Variants in MDM1 observed in about 807,000 individuals in gnomAD.
MDM1 encodes the protein Mdm1 nuclear protein.
In MDM1, 61 loss-of-function variants were observed where a neutral mutation model predicts 89.1. That is an observed-to-expected ratio of 0.68 (90% CI 0.56 to 0.85). The LOEUF (loss-of-function observed/expected upper bound fraction) is 0.85, where lower values mean the gene tolerates loss of function less well. Among genes scored for constraint, MDM1 ranks in the 40% least tolerant of loss-of-function variants. The probability of loss-of-function intolerance (pLI) is 0.00; values close to 1 mark genes in which losing one functional copy is unlikely to be tolerated. For synonymous variants in MDM1, 290 were observed against 294.1 expected (o/e 0.99, Z 0.14); for missense variants, 820 against 846.5 (o/e 0.97, Z 0.39).
intron 7 of MDM1, 108 bp from the exon 8 acceptor site, chr12:68,316,718 T>C (rs1245697825): frequency 9.1e-6 from 8 of 878,588 alleles, no homozygotes; most frequent in Non-Finnish European, 1.4e-5. Context: ...TCTACCAAAC[T>C]TGTCAATCAA....
intron 10 of MDM1, 41 bp from the exon 11 acceptor site, chr12:68,313,794 T>C (rs957161806): frequency 1.2e-5 from 17 of 1,450,720 alleles, no homozygotes; most frequent in Non-Finnish European, 1.5e-5. Flanking sequence ...CAGCATTTCC[T>C]CGAGAAAATA....
intron 7 of MDM1, among the ~76,000 whole-genome samples, chr12:68,318,461 T>C (rs1385144989): frequency 6.6e-6 from 1 of 152,228 alleles, no homozygotes; most frequent in Non-Finnish European, 1.5e-5. Context: ...CAGTTCTATT[T>C]GTTACTGACA....
At position 68,302,879 on chromosome 12, in the gene MDM1, GACAAAA is replaced by G; in HGVS notation, c.1750-13_1750-8del. On this transcript the variant is annotated splice_region_variant and splice_polypyrimidine_tract_variant and intron_variant, in intron 12 of 14. Coordinates refer to ENST00000682720, the MANE Select transcript of MDM1 (RefSeq NM_001354969.2). ...ATACAGCACGACTTTCTTTCTAAATGACAAAAAAAAAAAAAAAAAAAAGATGCCTAT... is the reference window on the plus strand; with the variant it reads ...ATACAGCACGACTTTCTTTCTAAATGAAAAAAAAAAAAAAAAGATGCCTAT... 1 of 738,174 alleles carries G rather than the reference GACAAAA, an allele frequency of 1.4e-6. No individual in the cohort carries two copies. The highest frequency in any genetic ancestry group is 1.7e-6 in the Non-Finnish European group (1 of 597,640). The allele number at this position is 738,174 out of a possible 1,614,324, so 45.7% of individuals were successfully genotyped here.
intron 14 of MDM1, among the ~76,000 whole-genome samples, 158 bp from the exon 15 acceptor site, chr12:68,295,524 ACT>A (rs1430811479): frequency 1.3e-5 from 2 of 152,244 alleles, no homozygotes; most frequent in East Asian, 1.9e-4. Flanking sequence ...AGATACTAAC[ACT>A]CTCATGATAC....
At chr12:68,300,444 A>G (rs1335758660) in intron 13 of MDM1, among the ~76,000 whole-genome samples, 2 of 152,194 alleles carry the variant, frequency 1.3e-5, no homozygotes, top group African/African-American at 2.4e-5. Context: ...AAAGATTCAT[A>G]TAAGCTCAAG....
intron 12 of MDM1, among the ~76,000 whole-genome samples, chr12:68,304,633 G>A (rs1346285950): frequency 6.6e-6 from 1 of 151,302 alleles, no homozygotes; most frequent in Non-Finnish European, 1.5e-5. Flanking sequence ...TGTGATCTCT[G>A]TAAAACTGGT....
At chr12:68,323,265 T>C (rs1366247591) in intron 4 of MDM1, 25 bp from the exon 5 acceptor site, 1 of 1,513,260 alleles carries the variant, frequency 6.6e-7, no homozygotes, top group African/African-American at 1.4e-5. Flanking sequence ...TATTTTAGTT[T>C]AGTTTTGTTG....
chr12:68,316,283 T>C (rs1208126434), intron 8 of MDM1, 30 bp from the exon 9 acceptor site: 1 of 1,574,430 alleles, frequency 6.4e-7, no homozygotes, highest in African/African-American at 1.4e-5. Context: ...CATCATATAC[T>C]ATTGTAAATG....
chr12:68,306,139 G>A (rs554832531), intron 12 of MDM1, among the ~76,000 whole-genome samples: 86 of 151,932 alleles, frequency 5.7e-4, no homozygotes, highest in Non-Finnish European at 9.7e-4. Context: ...CTTTAACAAA[G>A]ATGACCAAAA....
Position 68,331,218 on chromosome 12 carries a change from G to A in MDM1, c.22C>T (p.Leu8=). The part of the protein sequence containing the change: MPVRFKG[L]SEYQRNFLWK... Reference sequence around the variant, plus strand: ...AGGAAGTTCCTCTGGTATTCACTCAGCCCCTGTAATGCAAAGTACACTTTT... The same window carrying A: ...AGGAAGTTCCTCTGGTATTCACTCAACCCCTGTAATGCAAAGTACACTTTT... Residue 8 remains leucine, a synonymous_variant, in exon 2 of 15, where the codon CTG becomes TTG. Coordinates refer to ENST00000682720, the MANE Select transcript of MDM1 (RefSeq NM_001354969.2). The A allele has an allele frequency of 6.5e-7, 1 of 1,538,616 alleles. No homozygotes were observed. Among genetic ancestry groups the A allele is most frequent in the South Asian group, 1.1e-5 (1 of 89,562 alleles).
Position 68,316,622 on chromosome 12 carries a change from A to ACG in MDM1, c.1006-13_1006-12insCG. On this transcript the variant is annotated splice_polypyrimidine_tract_variant and intron_variant, in intron 7 of 14. Coordinates refer to ENST00000682720, the MANE Select transcript of MDM1 (RefSeq NM_001354969.2). ...GCATTTAGAGAACCCTAGAGAAGGA[A>ACG]TACAGAAACACACTTAATGATAGGT... 6.5e-7 allele frequency: 1 copy of ACG among 1,532,900 alleles called. No homozygotes were observed. 95.0% of individuals were successfully genotyped at this position (1,532,900 alleles called of 1,614,324 possible). A position where few individuals can be genotyped will look rare whatever the true frequency, so the allele number is the denominator to read the frequency against.
In MDM1 at chr12:68,332,180, G is replaced by GC. The variant is rs1876930524; in HGVS notation, c.18+47dup. On this transcript the variant is annotated intron_variant, in intron 1 of 14. Transcript: ENST00000682720. ...GACCTCGGCGCTCCACACCTCCCCG[G>GC]CCATGGCTCCCCCCAGCCACATTCC... 8.0e-6 allele frequency: 12 copies of GC among 1,509,260 alleles called. No individual in the cohort carries two copies. In the East Asian group the frequency reaches 2.7e-4, roughly 34 times the overall value. The allele number at this position is 1,509,260 out of a possible 1,614,324, so 93.5% of individuals were successfully genotyped here.
intron 2 of MDM1, chr12:68,330,841 G>A (rs543526520): frequency 1.5e-4 from 60 of 391,738 alleles, no homozygotes; most frequent in African/African-American, 1.1e-3. Context: ...TAACTTAACC[G>A]CTCAGTCAGT....
intron 4 of MDM1, among the ~76,000 whole-genome samples, chr12:68,324,007 C>A (rs1186504453): frequency 6.6e-6 from 1 of 152,128 alleles, no homozygotes; most frequent in Non-Finnish European, 1.5e-5. Context: ...ATGAACAACC[C>A]TTTTAGAGGT....
At position 68,314,054 on chromosome 12, in the gene MDM1, G is replaced by A. The variant is rs550450023; in HGVS notation, c.1530-301C>T. Among the ~76,000 whole-genome samples the A allele has an allele frequency of 2.9e-3, 435 of 150,400 alleles. 2 individuals carry two copies. Among genetic ancestry groups the A allele is most frequent in the Non-Finnish European group, 5.4e-3 (367 of 67,728 alleles). On this transcript the variant is annotated intron_variant, in intron 10 of 14. Transcript: ENST00000682720. ...TGGGAGGCTGAGGCGGGAGAATGGC[G>A]TGAACCCAGAAGGCGGAGCTTGCAG... is the stretch of plus-strand genomic sequence containing the variant.
chr12:68,316,652 G>C, intron 7 of MDM1, 42 bp from the exon 8 acceptor site: 1 of 1,430,340 alleles, frequency 7.0e-7, no homozygotes, highest in South Asian at 1.2e-5. Flanking sequence ...ATAGGTTAAT[G>C]CCATAATTGA....
At chr12:68,307,129 G>A (rs1023068546) in intron 12 of MDM1, among the ~76,000 whole-genome samples, 27 of 152,146 alleles carry the variant, frequency 1.8e-4, no homozygotes, top group Non-Finnish European at 5.9e-5. Context: ...ATTTATAAGT[G>A]GGAGCTAAAC....
chr12:68,308,776 A>C (rs1873278224), intron 12 of MDM1, among the ~76,000 whole-genome samples: 1 of 152,220 alleles, frequency 6.6e-6, no homozygotes, highest in Admixed American at 6.5e-5. Context: ...TGAAAATAAA[A>C]CTACCCTCCA....
At chr12:68,329,085 C>T (rs932417029) in intron 2 of MDM1, among the ~76,000 whole-genome samples, 6 of 152,188 alleles carry the variant, frequency 3.9e-5, no homozygotes, top group African/African-American at 1.4e-4. Flanking sequence ...GCCCTGTAGG[C>T]GCTCAGCAGG....
Sources: gnomAD v4.1 joint callset for allele counts (sites outside exome capture counted in the v4.1 genomes callset) on GRCh38, gnomAD v4.1.1 for gene constraint, MANE v1.5 for transcripts, NCBI Gene and HGNC (gene_info 2026-07-23, HGNC 2026-07-21) for gene names.